Variants in OLFM3 observed in about 807,000 individuals in gnomAD.
OLFM3 encodes noelin-3.
A neutral mutation model predicts 48.6 loss-of-function variants in OLFM3; 20 were observed. The observed-to-expected ratio is 0.41, with a 90% CI of 0.29 to 0.60. The LOEUF is 0.60. Among genes scored for constraint, OLFM3 ranks in the 20% least tolerant of loss-of-function variants. The pLI is 0.28. For synonymous variants in OLFM3, 222 were observed against 198.1 expected, an observed-to-expected ratio of 1.12 and a Z score of -1.01; for missense variants, 437 against 544.3, an observed-to-expected ratio of 0.80 and a Z score of 1.96.
chr1:101,892,333 C>A (rs773994374), intron 1 of OLFM3, among the ~76,000 whole-genome samples: 1 of 151,916 alleles, frequency 6.6e-6, no homozygotes, highest in Non-Finnish European at 1.5e-5. Context: ...ATATAAGAGA[C>A]CCCAGCAGAC....
At chr1:101,900,479 C>T (rs1035995524) in intron 1 of OLFM3, among the ~76,000 whole-genome samples, 1 of 152,084 alleles carries the variant, frequency 6.6e-6, no homozygotes, top group Admixed American at 6.6e-5. Flanking sequence ...TCTCATATGA[C>T]AGCTCATGAT....
At chr1:101,812,489 C>T in intron 4 of OLFM3, 2 of 985,352 alleles carry the variant, frequency 2.0e-6, no homozygotes, top group Non-Finnish European at 2.4e-6. Context: ...CTGCATATTT[C>T]AGATGTTGAG....
intron 1 of OLFM3, among the ~76,000 whole-genome samples, chr1:101,895,406 C>T (rs1330889684): frequency 7.4e-6 from 1 of 135,346 alleles, no homozygotes; most frequent in Non-Finnish European, 1.6e-5. Context: ...TGGTAAAGCT[C>T]AAGAATACAC....
intron 1 of OLFM3, among the ~76,000 whole-genome samples, chr1:101,927,340 T>C (rs1659302918): frequency 6.6e-6 from 1 of 152,110 alleles, no homozygotes; most frequent in Admixed American, 6.6e-5. Context: ...AGATTTTTTA[T>C]CATTCTTAAA....
chr1:101,913,371 C>T lies in OLFM3; in HGVS notation c.70-76346G>A, dbSNP rs562013394. Among the ~76,000 whole-genome samples the T allele has an allele frequency of 1.6e-4, 25 of 152,248 alleles. No individual in the cohort carries two copies. The South Asian group carries it at 5.0e-3, about 30-fold the overall frequency. ...AAGAGGCTAAGAATGTTATAAGAAA[C>T]ATTGCACTTCTTGGAAAAGGAGTAT... On this transcript the variant is annotated intron_variant, in intron 1 of 5. Transcript: ENST00000370103.
chr1:101,973,821 G>C (rs1289747443), intron 1 of OLFM3, among the ~76,000 whole-genome samples: 1 of 152,160 alleles, frequency 6.6e-6, no homozygotes, highest in Non-Finnish European at 1.5e-5. Context: ...CAGACTGAAG[G>C]ATTTTATGTG....
At chr1:101,959,045 T>TC (rs1258502995) in intron 1 of OLFM3, among the ~76,000 whole-genome samples, 52 of 151,502 alleles carry the variant, frequency 3.4e-4, no homozygotes, top group Non-Finnish European at 2.4e-4. Flanking sequence ...ATCTCCCCAT[T>TC]CCCCGCTTCC....
chr1:101,837,054 A>G, intron 1 of OLFM3, 29 bp from the exon 2 acceptor site: 1 of 1,601,348 alleles, frequency 6.2e-7, no homozygotes. Context: ...AACATAAAAC[A>G]CAGACTCCTG....
intron 5 of OLFM3, among the ~76,000 whole-genome samples, chr1:101,805,254 G>C (rs1653713835): frequency 6.6e-6 from 1 of 151,568 alleles, no homozygotes; most frequent in Admixed American, 6.6e-5. Flanking sequence ...AATGCCATCA[G>C]TGAAAACTAC....
At chr1:101,939,411 T>G (rs1659721119) in intron 1 of OLFM3, among the ~76,000 whole-genome samples, 1 of 152,172 alleles carries the variant, frequency 6.6e-6, no homozygotes, top group African/African-American at 2.4e-5. Flanking sequence ...GTCAGATGTG[T>G]TGAGCCCACA....
chr1:101,935,535 C>A (rs1405820003), intron 1 of OLFM3, among the ~76,000 whole-genome samples: 1 of 152,044 alleles, frequency 6.6e-6, no homozygotes, highest in Non-Finnish European at 1.5e-5. Flanking sequence ...TAGCTGAATT[C>A]CACTAGATGT....
At chr1:101,937,673 C>A (rs1286017977) in intron 1 of OLFM3, among the ~76,000 whole-genome samples, 2 of 152,170 alleles carry the variant, frequency 1.3e-5, no homozygotes, top group African/African-American at 4.8e-5. Flanking sequence ...GTCCATTAAA[C>A]CTCTTTTTCC....
At chr1:101,989,989 T>C (rs1661354926) in intron 1 of OLFM3, among the ~76,000 whole-genome samples, 1 of 152,202 alleles carries the variant, frequency 6.6e-6, no homozygotes, top group African/African-American at 2.4e-5. Flanking sequence ...AGTCCATACT[T>C]TGCACACTGG....
intron 1 of OLFM3, among the ~76,000 whole-genome samples, chr1:101,885,340 C>G (rs1248893999): frequency 6.6e-6 from 1 of 152,016 alleles, no homozygotes; most frequent in Non-Finnish European, 1.5e-5. Flanking sequence ...TCAAGAATTC[C>G]TTTGCTTTTT....
chr1:101,961,823 T>C (rs1477868578), intron 1 of OLFM3, among the ~76,000 whole-genome samples: 1 of 152,086 alleles, frequency 6.6e-6, no homozygotes. Flanking sequence ...AGAGCTAGTA[T>C]GTTAAAAAAA....
At chr1:101,828,953 G>C (rs1655014478) in intron 3 of OLFM3, among the ~76,000 whole-genome samples, 1 of 152,140 alleles carries the variant, frequency 6.6e-6, no homozygotes, top group Non-Finnish European at 1.5e-5. Context: ...TTTAATAGTG[G>C]AGGGGTAGGG....
chr1:101,996,181 C>A (rs1180246233), intron 1 of OLFM3, among the ~76,000 whole-genome samples: 1 of 152,080 alleles, frequency 6.6e-6, no homozygotes, highest in Non-Finnish European at 1.5e-5. Context: ...AAGGAAGAAA[C>A]AAACACAAGC....
At chr1:101,885,755 C>T (rs528843086) in intron 1 of OLFM3, among the ~76,000 whole-genome samples, 2 of 152,100 alleles carry the variant, frequency 1.3e-5, no homozygotes, top group Non-Finnish European at 2.9e-5. Flanking sequence ...CACATAACCA[C>T]AAAATGTGTG....
intron 1 of OLFM3, among the ~76,000 whole-genome samples, chr1:101,916,872 T>C (rs138711033): frequency 3.3e-4 from 50 of 152,286 alleles, no homozygotes; most frequent in African/African-American, 1.2e-3. Context: ...GCACATGAAT[T>C]AGATTTTACA....
Sources: allele counts gnomAD v4.1 joint callset (sites outside exome capture counted in the v4.1 genomes callset), GRCh38; gene constraint gnomAD v4.1.1; transcripts MANE v1.5; gene names NCBI Gene and HGNC (gene_info 2026-07-23, HGNC 2026-07-21).